Variants in CFH observed in about 807,000 individuals in gnomAD.
CFH encodes the protein complement factor H.
A neutral mutation model predicts 147.3 loss-of-function variants in CFH; 53 were observed. The observed-to-expected ratio is 0.36, with a 90% CI of 0.29 to 0.45. CFH has a LOEUF of 0.45. Among genes scored for constraint, CFH ranks in the 20% least tolerant of loss-of-function variants. CFH has a pLI of 1.00. For synonymous variants in CFH, 536 were observed against 489.4 expected, an observed-to-expected ratio of 1.10 and a Z score of -1.26; for missense variants, 1,380 against 1,498.0, an observed-to-expected ratio of 0.92 and a Z score of 1.30.
intron 18 of CFH, 48 bp downstream of exon 18, chr1:196,740,840 C>A: frequency 6.4e-7 from 1 of 1,571,152 alleles, no homozygotes; most frequent in South Asian, 1.1e-5. Flanking sequence ...ATTCTTCATT[C>A]AAAGTGTAAG....
chr1:196,654,480 G>A (rs1666615757), intron 1 of CFH, among the ~76,000 whole-genome samples: 1 of 152,060 alleles, frequency 6.6e-6, no homozygotes, highest in Admixed American at 6.6e-5. Flanking sequence ...AGGCTACTAA[G>A]AATTGGGTCA....
chr1:196,672,045 A>G (rs1667300106), intron 1 of CFH, among the ~76,000 whole-genome samples: 1 of 151,958 alleles, frequency 6.6e-6, no homozygotes, highest in Admixed American at 6.6e-5. Context: ...TCTTATTGAG[A>G]CTTTTTTTCT....
rs200608085 is a variant in CFH at position 196,713,813 on chromosome 1, A to T, written c.1415A>T (p.Lys472Ile). 6.2e-7 allele frequency: 1 copy of T among 1,611,804 alleles called. No individual in the cohort carries two copies. The highest frequency in any genetic ancestry group is 8.5e-7 in the Non-Finnish European group (1 of 1,178,338). The change falls in exon 10 of 22, where the codon AAA becomes ATA. Residue 472 changes from lysine to isoleucine, a missense_variant. Physicochemically the swap from Lys to Ile is moderately radical, Grantham distance 102. Coordinates refer to ENST00000367429, the MANE Select transcript of CFH (RefSeq NM_000186.4). ...CAGTATACATATGCCTTAAAAGAAA[A>T]AGCGAAATATCAATGCAAACTAGGA... ...ESQYTYALKEKAKYQCKLGYV... is the reference protein window; with the variant it reads ...ESQYTYALKEIAKYQCKLGYV...
At chr1:196,689,204 G>T (rs2149088057) in intron 7 of CFH, among the ~76,000 whole-genome samples, 2 of 152,108 alleles carry the variant, frequency 1.3e-5, no homozygotes, top group Middle Eastern at 6.8e-3. Flanking sequence ...CGCATCATGT[G>T]ATCCACAAGA....
intron 9 of CFH, among the ~76,000 whole-genome samples, chr1:196,692,802 C>CTTTT: frequency 2.0e-5 from 1 of 50,816 alleles, no homozygotes; most frequent in East Asian, 5.2e-4. Flanking sequence ...TTCTTTCTTT[C>CTTTT]TTTCTTTCTT....
At chr1:196,698,039 G>C (rs912952322) in intron 9 of CFH, among the ~76,000 whole-genome samples, 69 of 151,022 alleles carry the variant, frequency 4.6e-4, no homozygotes, top group Admixed American at 3.6e-3. Context: ...AGCATTAGGA[G>C]ATATACCTAA....
At chr1:196,686,583 T>C (rs2300430) in intron 7 of CFH, among the ~76,000 whole-genome samples, 97,975 of 151,990 alleles carry the variant, frequency 0.64, 32,032 homozygotes, top group East Asian at 0.95. Flanking sequence ...AAAAATATGA[T>C]ACAAATGATT....
chr1:196,707,389 G>C (rs1161919530), intron 9 of CFH, among the ~76,000 whole-genome samples: 2 of 152,068 alleles, frequency 1.3e-5, no homozygotes, highest in Non-Finnish European at 2.9e-5. Flanking sequence ...CAATCTTTAG[G>C]TTGTACTTTA....
intron 6 of CFH, 140 bp from the exon 7 acceptor site, chr1:196,684,924 A>G: frequency 3.0e-6 from 2 of 677,818 alleles, no homozygotes; most frequent in Non-Finnish European, 5.1e-6. Context: ...CAGAAAGGAT[A>G]CTATGATATG....
intron 1 of CFH, among the ~76,000 whole-genome samples, chr1:196,658,716 C>T (rs754419729): frequency 5.3e-5 from 8 of 151,936 alleles, no homozygotes; most frequent in Non-Finnish European, 7.4e-5. Context: ...TGAGCCACCG[C>T]GCCCGGCCTG....
intron 1 of CFH, 79 bp downstream of exon 1, chr1:196,652,254 A>T (rs1255372703): frequency 4.3e-6 from 5 of 1,151,582 alleles, no homozygotes; most frequent in Non-Finnish European, 6.5e-6. Context: ...GAGTAATAAA[A>T]ATTTGATTTA....
chr1:196,692,510 TTTCC>T (rs72399259), intron 9 of CFH: 27,940 of 167,546 alleles, frequency 0.17, 3,345 homozygotes, highest in African/African-American at 0.34. Context: ...TTTCTCTTTC[TTTCC>T]TTCCTTCCTT....
intron 1 of CFH, among the ~76,000 whole-genome samples, chr1:196,655,249 A>G (rs1275379056): frequency 1.3e-5 from 2 of 152,166 alleles, no homozygotes; most frequent in Admixed American, 1.3e-4. Context: ...ATTCTGGAAG[A>G]TGGGGTTTTC....
At chr1:196,684,027 C>T (rs1667742650) in intron 6 of CFH, among the ~76,000 whole-genome samples, 1 of 151,874 alleles carries the variant, frequency 6.6e-6, no homozygotes. Flanking sequence ...TTCTACAATA[C>T]TTAAAATGCA....
At chr1:196,732,049 T>G (rs1300977870) in intron 15 of CFH, among the ~76,000 whole-genome samples, 1 of 152,088 alleles carries the variant, frequency 6.6e-6, no homozygotes, top group East Asian at 1.9e-4. Flanking sequence ...GAAAGTTTTC[T>G]GTCATTATTT....
chr1:196,692,273 C>T (rs993163479), intron 9 of CFH: 9 of 202,752 alleles, frequency 4.4e-5, no homozygotes, highest in African/African-American at 2.1e-4. Context: ...ACTTTTCACC[C>T]TAATCATGAC....
Position 196,713,878 on chromosome 1 carries a change from T to C in CFH, c.1480T>C (p.Cys494Arg). 1 of 1,612,792 alleles carries C rather than the reference T, an allele frequency of 6.2e-7. No homozygotes were observed. Among genetic ancestry groups the C allele is most frequent in the Non-Finnish European group, 8.5e-7 (1 of 1,179,176 alleles). Reference protein sequence around the residue: ...ADGETSGSITCGKDGWSAQPT... With the variant: ...ADGETSGSITRGKDGWSAQPT... ...TGGTGAAACATCAGGATCAATTACATGTGGGAAAGATGGATGGTCAGCTCA... is the reference window on the plus strand; with the variant it reads ...TGGTGAAACATCAGGATCAATTACACGTGGGAAAGATGGATGGTCAGCTCA... Residue 494 changes from cysteine to arginine, a missense_variant, in exon 10 of 22, where the codon TGT becomes CGT. Transcript: ENST00000367429.
chr1:196,666,497 G>A (rs1352689532), intron 1 of CFH, among the ~76,000 whole-genome samples: 1 of 151,650 alleles, frequency 6.6e-6, no homozygotes, highest in Admixed American at 6.6e-5. Flanking sequence ...TTATTTATAA[G>A]TGTTGCTTGC....
intron 9 of CFH, among the ~76,000 whole-genome samples, chr1:196,700,518 G>A (rs1405839543): frequency 6.6e-6 from 1 of 151,998 alleles, no homozygotes; most frequent in African/African-American, 2.4e-5. Flanking sequence ...CCCAGGCATG[G>A]TGGCACATGC....
Sources: gnomAD v4.1 joint callset for allele counts (sites outside exome capture counted in the v4.1 genomes callset) on GRCh38, gnomAD v4.1.1 for gene constraint, MANE v1.5 for transcripts, NCBI Gene and HGNC (gene_info 2026-07-23, HGNC 2026-07-21) for gene names.